The following LRRC1 variants were observed in gnomAD, a reference collection of about 807,000 sequenced individuals.
The protein encoded by LRRC1 is leucine-rich repeat-containing protein 1.
A neutral mutation model predicts 69.9 loss-of-function variants in LRRC1; 28 were observed. The ratio of observed to expected loss-of-function variants is 0.40; its 90% CI spans 0.30 to 0.55. LRRC1 has a LOEUF of 0.55. LRRC1 is among the 20% of genes least tolerant of loss of function. The pLI, the probability that LRRC1 is intolerant of heterozygous loss-of-function variation, is 0.47. For missense variants in LRRC1, 498 were observed against 609.0 expected (o/e 0.82, Z 1.92); for synonymous variants, 236 against 240.2 (o/e 0.98, Z 0.16).
rs766245709 is a variant in LRRC1 at position 53,920,637 on chromosome 6, G to T, written c.1292G>T (p.Arg431Leu). 1.9e-6 allele frequency: 3 copies of T among 1,614,114 alleles called. No individual in the cohort carries two copies. The highest frequency in any genetic ancestry group is 2.5e-6 in the Non-Finnish European group (3 of 1,180,000). ...SEPTCQENLPRCGALENLVND... is the reference protein window; with the variant it reads ...SEPTCQENLPLCGALENLVND... ...TTTGTCACTGCAGAGAATCTGCCTC[G>T]CTGTGGTGCACTGGAGAACTTGGTA... The change falls in exon 13 of 14, where the codon CGC (arginine) becomes CTC (leucine). Residue 431 changes from arginine (R) to leucine (L), a missense_variant. Arg to Leu is a moderately radical substitution (Grantham distance 102, BLOSUM62 -2). Coordinates refer to ENST00000370888, the MANE Select transcript of LRRC1 (RefSeq NM_018214.5).
intron 1 of LRRC1, among the ~76,000 whole-genome samples, chr6:53,817,502 T>C (rs1467535438): frequency 6.6e-6 from 1 of 152,180 alleles, no homozygotes; most frequent in African/African-American, 2.4e-5. Context: ...TTATTAGCTC[T>C]ATTCACCATG....
intron 12 of LRRC1, 96 bp from the exon 13 acceptor site, chr6:53,920,529 C>A: frequency 2.2e-6 from 3 of 1,393,974 alleles, no homozygotes; most frequent in Non-Finnish European, 3.0e-6. Context: ...ACCCCTGGTC[C>A]TCCGTATAGA....
At position 53,923,864 on chromosome 6, in the gene LRRC1, A is replaced by G. The variant is rs1768809414; in HGVS notation, c.*1071A>G. The G allele has an allele frequency of 6.5e-6, 1 of 152,688 alleles. No individual in the cohort carries two copies. Among genetic ancestry groups the G allele is most frequent in the Non-Finnish European group, 1.5e-5 (1 of 68,050 alleles). The allele number at this position is 152,688 out of a possible 1,614,324, so 9.5% of individuals were successfully genotyped here. ...AAGCAAAATAACCTACTATCAAAAT[A>G]GAAATGTTGCTATCTTTATAAGTGC... On this transcript the variant is annotated 3_prime_UTR_variant, in exon 14 of 14. Transcript: ENST00000370888.
chr6:53,913,908 C>G lies in LRRC1; in HGVS notation c.1045C>G (p.Arg349Gly). The G allele has an allele frequency of 3.7e-6, 6 of 1,612,820 alleles. No homozygotes were observed. The highest frequency in any genetic ancestry group is 5.1e-6 in the Non-Finnish European group (6 of 1,179,042). Residue 349 changes from arginine (R) to glycine (G), a missense_variant, in exon 11 of 14, where the codon CGG (arginine) becomes GGG (glycine). This residue lies in a region of LRRC1 where 266 missense variants were observed against 383.9 expected (regional missense o/e 0.69). Coordinates refer to ENST00000370888, the MANE Select transcript of LRRC1 (RefSeq NM_018214.5). ...VFCVRDNRLT[R>G]IPAEVSQATE... ...CTGTGTACGTGACAACAGACTAACT[C>G]GGATACCTGCAGAGGTGTCACAGGC...
rs1768679132 is a variant in LRRC1 at position 53,919,644 on chromosome 6, A to G, written c.1253A>G (p.Gln418Arg). The G allele has an allele frequency of 2.5e-6, 4 of 1,612,414 alleles. No homozygotes were observed. Among genetic ancestry groups the G allele is most frequent in the Non-Finnish European group, 3.4e-6 (4 of 1,179,600 alleles). Residue 418 changes from glutamine to arginine, a missense_variant, in exon 12 of 14, where the codon CAG becomes CGG. Gln to Arg is a conservative substitution (Grantham distance 43, BLOSUM62 1). This residue lies in a region of LRRC1 where 162 missense variants were observed against 162.9 expected (regional missense o/e 0.99). Coordinates refer to ENST00000370888, the MANE Select transcript of LRRC1 (RefSeq NM_018214.5). ...ATTTTAACCTGTGTCTTACTTCCTC[A>G]GCTGCCTTCTGAACCTACTTGTCAA... ...EKILTCVLLP[Q>R]LPSEPTCQEN...
At chr6:53,830,280 C>G (rs1407555606) in intron 1 of LRRC1, among the ~76,000 whole-genome samples, 2 of 152,208 alleles carry the variant, frequency 1.3e-5, no homozygotes, top group Non-Finnish European at 2.9e-5. Context: ...TCTGAAGGAG[C>G]TTTGCCTTTT....
At chr6:53,884,121 T>G in intron 4 of LRRC1, 3 of 640,040 alleles carry the variant, frequency 4.7e-6, no homozygotes, top group East Asian at 2.7e-5. Context: ...GTGTATGGTA[T>G]CAGTTGCAGA....
chr6:53,863,829 CAA>C (rs1381944548), intron 2 of LRRC1, among the ~76,000 whole-genome samples: 1 of 152,118 alleles, frequency 6.6e-6, no homozygotes, highest in African/African-American at 2.4e-5. Context: ...TAGTAAAAGA[CAA>C]AGATTTCAAC....
chr6:53,904,527 T>A, intron 10 of LRRC1, 65 bp downstream of exon 10: 1 of 1,090,202 alleles, frequency 9.2e-7, no homozygotes, highest in East Asian at 2.5e-5. Context: ...ACATAAGGGA[T>A]CAAAAATGTC....
At chr6:53,872,279 C>T (rs754348609) in intron 2 of LRRC1, among the ~76,000 whole-genome samples, 2 of 151,826 alleles carry the variant, frequency 1.3e-5, no homozygotes, top group East Asian at 1.9e-4. Flanking sequence ...TTTTTATTTC[C>T]GTAGGTTTTT....
At chr6:53,896,382 G>C in intron 4 of LRRC1, 116 bp from the exon 5 acceptor site, 1 of 792,168 alleles carries the variant, frequency 1.3e-6, no homozygotes. Flanking sequence ...CCTGGTAAGT[G>C]ACCTACTAGG....
At chr6:53,866,196 C>G in intron 2 of LRRC1, among the ~76,000 whole-genome samples, 1 of 152,126 alleles carries the variant, frequency 6.6e-6, no homozygotes, top group East Asian at 1.9e-4. Flanking sequence ...GCCTTCCTCT[C>G]CCTTCTTATA....
At chr6:53,874,534 A>G (rs1205601070) in intron 2 of LRRC1, among the ~76,000 whole-genome samples, 44 of 152,188 alleles carry the variant, frequency 2.9e-4, no homozygotes, top group Admixed American at 2.9e-3. Context: ...AGTGTGAGGA[A>G]AATGTTAGCA....
At chr6:53,919,836 AC>A (rs1768685218) in intron 12 of LRRC1, among the ~76,000 whole-genome samples, 166 bp downstream of exon 12, 1 of 152,222 alleles carries the variant, frequency 6.6e-6, no homozygotes, top group South Asian at 2.1e-4. Flanking sequence ...AGGTTACCCT[AC>A]ATCCTTGCAG....
intron 11 of LRRC1, among the ~76,000 whole-genome samples, chr6:53,914,936 C>T (rs916910448): frequency 2.6e-5 from 4 of 152,252 alleles, no homozygotes; most frequent in African/African-American, 9.6e-5. Context: ...CATTGTGTCA[C>T]TTGTCCCATC....
intron 10 of LRRC1, among the ~76,000 whole-genome samples, chr6:53,910,702 G>C (rs1328734818): frequency 6.6e-6 from 1 of 152,202 alleles, no homozygotes; most frequent in Non-Finnish European, 1.5e-5. Flanking sequence ...TTTCATTTAA[G>C]TTAATCATTA....
At chr6:53,834,409 A>G (rs746866989) in intron 1 of LRRC1, among the ~76,000 whole-genome samples, 4 of 151,988 alleles carry the variant, frequency 2.6e-5, no homozygotes, top group Non-Finnish European at 4.4e-5. Context: ...TTTAGTAGTT[A>G]TTTCTTTCCT....
chr6:53,805,040 T>G (rs1181707018), intron 1 of LRRC1, among the ~76,000 whole-genome samples: 1 of 152,208 alleles, frequency 6.6e-6, no homozygotes, highest in Non-Finnish European at 1.5e-5. Context: ...TTTCTTCTTT[T>G]TATCTCTGTG....
intron 1 of LRRC1, among the ~76,000 whole-genome samples, chr6:53,818,119 C>A (rs953989766): frequency 3.9e-5 from 6 of 152,152 alleles, no homozygotes; most frequent in Admixed American, 2.6e-4. Context: ...AGGAGAAGGC[C>A]ACTCTTTTAT....
Sources: allele counts gnomAD v4.1 joint callset (sites outside exome capture counted in the v4.1 genomes callset), GRCh38; gene constraint gnomAD v4.1.1; regional missense constraint gnomAD v4.1.1; transcripts MANE v1.5; gene names NCBI Gene and HGNC (gene_info 2026-07-23, HGNC 2026-07-21).